The following CSTF3 variants were observed in gnomAD, a reference collection of about 807,000 sequenced individuals.
CSTF3 encodes CF-1 77 kDa subunit.
In CSTF3, 29 loss-of-function variants were observed where a neutral mutation model predicts 105.8. That is an observed-to-expected ratio of 0.27 (90% CI 0.20 to 0.37). CSTF3 has a LOEUF of 0.37. CSTF3 is among the 10% of genes least tolerant of loss of function. The pLI is 1.00. For synonymous variants in CSTF3, 252 were observed against 281.9 expected (o/e 0.89, Z 1.06); for missense variants, 357 against 879.3 (o/e 0.41, Z 7.51).
intron 17 of CSTF3, among the ~76,000 whole-genome samples, chr11:33,088,816 A>G (rs1279305190): frequency 6.6e-6 from 1 of 151,650 alleles, no homozygotes; most frequent in East Asian, 2.0e-4. Context: ...ATGGGATTTC[A>G]TCATGTTTCC....
chr11:33,087,158 G>C lies in CSTF3; in HGVS notation c.1642-17C>G, dbSNP rs1321917398. 1.9e-6 allele frequency: 3 copies of C among 1,613,296 alleles called. No individual in the cohort carries two copies. The highest frequency in any genetic ancestry group is 2.5e-6 in the Non-Finnish European group (3 of 1,179,630). ...GGAGACATCCTGAAAATGCAGAACAGAAGAATCCTAAACCTGAAAAAGGGA... is the reference window on the plus strand; with the variant it reads ...GGAGACATCCTGAAAATGCAGAACACAAGAATCCTAAACCTGAAAAAGGGA... On this transcript the variant is annotated splice_polypyrimidine_tract_variant and intron_variant, in intron 17 of 20. Coordinates refer to ENST00000323959, the MANE Select transcript of CSTF3 (RefSeq NM_001326.3).
At chr11:33,092,727 T>A (rs1421720481) in intron 15 of CSTF3, among the ~76,000 whole-genome samples, 2 of 152,210 alleles carry the variant, frequency 1.3e-5, no homozygotes, top group Admixed American at 6.5e-5. Flanking sequence ...TTTAAATACA[T>A]TGAACATGGA....
chr11:33,153,742 T>A (rs1309138744), intron 1 of CSTF3, among the ~76,000 whole-genome samples: 2 of 151,448 alleles, frequency 1.3e-5, no homozygotes, highest in African/African-American at 4.8e-5. Context: ...ATTCTCTTTC[T>A]CCAAATAGCT....
intron 18 of CSTF3, 125 bp downstream of exon 18, chr11:33,086,860 TGTC>T: frequency 9.5e-7 from 1 of 1,047,584 alleles, no homozygotes; most frequent in Non-Finnish European, 1.5e-6. Flanking sequence ...CTAAATCACT[TGTC>T]ATAGTGATCC....
At chr11:33,119,299 T>C (rs1855463743) in intron 3 of CSTF3, among the ~76,000 whole-genome samples, 1 of 151,846 alleles carries the variant, frequency 6.6e-6, no homozygotes, top group Non-Finnish European at 1.5e-5. Flanking sequence ...CAGAATACTA[T>C]TTCTCTTACT....
chr11:33,103,719 G>C (rs1855301452), intron 8 of CSTF3, among the ~76,000 whole-genome samples: 1 of 152,118 alleles, frequency 6.6e-6, no homozygotes, highest in African/African-American at 2.4e-5. Flanking sequence ...GCAGTGAGCT[G>C]AGATCATGCT....
chr11:33,156,631 G>A, intron 1 of CSTF3: 2 of 441,904 alleles, frequency 4.5e-6, no homozygotes, highest in East Asian at 1.5e-4. Context: ...AGGATCATTT[G>A]GCTTGTATTT....
intron 3 of CSTF3, among the ~76,000 whole-genome samples, chr11:33,134,750 A>G (rs902467066): frequency 1.3e-5 from 2 of 152,306 alleles, no homozygotes; most frequent in Non-Finnish European, 2.9e-5. Flanking sequence ...CATTTTTTAT[A>G]AGGATATGGG....
rs944760894 is a variant in CSTF3, at chr11:33,085,346, T to A, written c.1952-57A>T. The stretch of plus-strand genomic sequence containing the variant: ...ATATTCCACTATGAAAGGGTATGTA[T>A]GTTCAACTGTGGATACTTTATTTCA... On this transcript the variant is annotated intron_variant, in intron 20 of 20. Transcript: ENST00000323959. The A allele has an allele frequency of 2.2e-6, 3 of 1,369,620 alleles. No homozygotes were observed. The South Asian group carries it at 4.4e-5, about 20-fold the overall frequency. 84.8% of individuals were successfully genotyped at this position (1,369,620 alleles called of 1,614,324 possible).
chr11:33,142,888 C>T (rs1855731136), intron 1 of CSTF3, among the ~76,000 whole-genome samples: 1 of 152,114 alleles, frequency 6.6e-6, no homozygotes, highest in African/African-American at 2.4e-5. Flanking sequence ...CATACAGATG[C>T]TGAAAAATTC....
At position 33,141,740 on chromosome 11, in the gene CSTF3, C is replaced by T. The variant is rs1240382013; in HGVS notation, c.152G>A (p.Arg51Gln). 6 of 1,603,144 alleles carry T rather than the reference C, an allele frequency of 3.7e-6. No homozygotes were observed. Among genetic ancestry groups the T allele is most frequent in the African/African-American group, 2.7e-5 (2 of 74,050 alleles). The change falls in exon 3 of 21, where the codon CGG becomes CAG. Residue 51 changes from arginine (R) to glutamine (Q), a missense_variant. Transcript: ENST00000323959. ...GGCAACAAGGCGTTCATAAGTCTTC[C>T]GTGCTTTGTCTATAGGTTGATTCTA... ...EAQNQPIDKA[R>Q]KTYERLVAQF...
At chr11:33,087,949 GCTC>G (rs1855123847) in intron 17 of CSTF3, among the ~76,000 whole-genome samples, 2 of 152,208 alleles carry the variant, frequency 1.3e-5, no homozygotes, top group Non-Finnish European at 2.9e-5. Flanking sequence ...TCTCAGAGGA[GCTC>G]CTCTGCTCCA....
intron 15 of CSTF3, among the ~76,000 whole-genome samples, 166 bp from the exon 16 acceptor site, chr11:33,092,506 TAA>T (rs1459483923): frequency 6.6e-6 from 1 of 152,198 alleles, no homozygotes. Context: ...TCAGAAAGAT[TAA>T]GAGATTTGAT....
chr11:33,142,128 T>A (rs1348537689), intron 1 of CSTF3, 142 bp from the exon 2 acceptor site: 36 of 1,405,834 alleles, frequency 2.6e-5, no homozygotes, highest in Non-Finnish European at 3.3e-5. Context: ...GAAGTGTGTT[T>A]CCTAGAACCG....
At chr11:33,128,870 C>A (rs1034945689) in intron 3 of CSTF3, among the ~76,000 whole-genome samples, 2 of 152,186 alleles carry the variant, frequency 1.3e-5, no homozygotes, top group African/African-American at 4.8e-5. Flanking sequence ...GGCCTCTGCA[C>A]TGGCAGTCTC....
rs761178670 is a variant in CSTF3, at chr11:33,102,296, G to A, written c.707C>T (p.Ser236Leu). ...VMKGLDRNAP[S>L]VPPQNTPQEA... ...TTGAGGAGTATTCTGAGGAGGCACC[G>A]AGGGAGCATTACGGTCCAAGCCTTT... Residue 236 changes from serine to leucine, a missense_variant, in exon 10 of 21, where the codon TCG (serine) becomes TTG (leucine). Physicochemically the swap from Ser to Leu is moderately radical, Grantham distance 145. Coordinates refer to ENST00000323959, the MANE Select transcript of CSTF3 (RefSeq NM_001326.3). 5 of 1,613,882 alleles carry A rather than the reference G, an allele frequency of 3.1e-6. No homozygotes were observed. The highest frequency in any genetic ancestry group is 3.4e-6 in the Non-Finnish European group (4 of 1,179,930).
intron 20 of CSTF3, 101 bp downstream of exon 20, chr11:33,085,612 T>G: frequency 9.4e-7 from 1 of 1,069,048 alleles, no homozygotes; most frequent in South Asian, 1.4e-5. Context: ...TCAAATTGGC[T>G]GGCTGGTTTC....
intron 3 of CSTF3, among the ~76,000 whole-genome samples, chr11:33,123,410 T>C (rs1855512429): frequency 6.6e-6 from 1 of 152,074 alleles, no homozygotes; most frequent in African/African-American, 2.4e-5. Context: ...GGATTATCAA[T>C]GGGATTTAAA....
intron 3 of CSTF3, among the ~76,000 whole-genome samples, chr11:33,140,575 G>A (rs1855700014): frequency 6.6e-6 from 1 of 151,970 alleles, no homozygotes; most frequent in African/African-American, 2.4e-5. Flanking sequence ...TATTGGTTGG[G>A]TCCATTCTGA....
Sources: gnomAD v4.1 joint callset for allele counts (sites outside exome capture counted in the v4.1 genomes callset) on GRCh38, gnomAD v4.1.1 for gene constraint, MANE v1.5 for transcripts, NCBI Gene and HGNC (gene_info 2026-07-23, HGNC 2026-07-21) for gene names.